The following HIP1 variants were observed in gnomAD, a reference collection of about 807,000 sequenced individuals.
HIP1 encodes huntingtin-interacting protein 1.
Under a neutral mutation model 147.6 loss-of-function variants are expected in HIP1, and 65 were observed. The ratio of observed to expected loss-of-function variants is 0.44; its 90% confidence interval spans 0.36 to 0.54. HIP1 has a LOEUF of 0.54. HIP1 is among the 20% of genes least tolerant of loss of function. The pLI, the probability that HIP1 is intolerant of heterozygous loss-of-function variation, is 0.00. For synonymous variants in HIP1, 479 were observed against 504.0 expected, an observed-to-expected ratio of 0.95 and a Z score of 0.67; for missense variants, 1,061 against 1,299.6, an observed-to-expected ratio of 0.82 and a Z score of 2.82.
chr7:75,722,879 A>C (rs1269828857), intron 1 of HIP1, among the ~76,000 whole-genome samples: 1 of 152,200 alleles, frequency 6.6e-6, no homozygotes, highest in Non-Finnish European at 1.5e-5. Flanking sequence ...TTCCAGGATA[A>C]GACTTTTGTG....
chr7:75,639,065 C>T, intron 1 of HIP1: 2 of 984,668 alleles, frequency 2.0e-6, no homozygotes, highest in South Asian at 4.7e-5. Context: ...TTGCTCACAT[C>T]CATGACCGAG....
chr7:75,637,988 CCCCCCACACACACACATA>C (rs1300453013), intron 1 of HIP1, among the ~76,000 whole-genome samples: 7 of 48,212 alleles, frequency 1.5e-4, no homozygotes, highest in African/African-American at 6.3e-4. Flanking sequence ...CCCCCCCCCC[CCCCCCACACACACACATA>C]CACACACACA....
Position 75,538,218 on chromosome 7 carries a change from T to C in HIP1, c.3068A>G (p.Glu1023Gly). The C allele has an allele frequency of 1.2e-6, 2 of 1,612,950 alleles. No homozygotes were observed. The highest frequency in any genetic ancestry group is 2.2e-5 in the East Asian group (1 of 44,884). The change falls in exon 31 of 31, where the codon GAG (glutamate) becomes GGG (glycine). Residue 1023 changes from glutamate to glycine, a missense_variant. Physicochemically the swap from Glu to Gly is moderately conservative, Grantham distance 98. Around this residue, in one of 3 missense-constraint regions of HIP1, gnomAD observed 810 missense variants for 946.8 expected, o/e 0.86. Coordinates refer to ENST00000336926, the MANE Select transcript of HIP1 (RefSeq NM_005338.7). ...GVAEGWEEGTEASPPTLQEVV... is the reference protein window; with the variant it reads ...GVAEGWEEGTGASPPTLQEVV... Reference sequence around the variant, plus strand: ...TTCTTGCAGTGTAGGTGGAGATGCCTCTGTTCCTAAAAGACAATGATAATT... The same window carrying C: ...TTCTTGCAGTGTAGGTGGAGATGCCCCTGTTCCTAAAAGACAATGATAATT...
At chr7:75,664,627 C>T (rs1237880136) in intron 1 of HIP1, among the ~76,000 whole-genome samples, 1 of 150,132 alleles carries the variant, frequency 6.7e-6, no homozygotes, top group South Asian at 2.1e-4. Flanking sequence ...GACAGGCAGA[C>T]GGACAGACAA....
chr7:75,645,607 A>G (rs1240042440), intron 1 of HIP1, among the ~76,000 whole-genome samples: 7 of 152,200 alleles, frequency 4.6e-5, no homozygotes, highest in Admixed American at 3.9e-4. Flanking sequence ...CCAAAGGAAA[A>G]TAGATCATTC....
intron 5 of HIP1, among the ~76,000 whole-genome samples, chr7:75,582,431 G>C (rs782762511): frequency 6.6e-6 from 1 of 152,326 alleles, no homozygotes; most frequent in African/African-American, 2.4e-5. Flanking sequence ...CCTGTCATCT[G>C]TGTGGTTTGT....
intron 1 of HIP1, among the ~76,000 whole-genome samples, chr7:75,685,933 T>C (rs560934986): frequency 6.6e-5 from 10 of 152,216 alleles, no homozygotes; most frequent in African/African-American, 2.4e-4. Flanking sequence ...GGAGTCTCTG[T>C]CGCCTAGGCT....
At chr7:75,669,145 C>CA (rs1799656122) in intron 1 of HIP1, among the ~76,000 whole-genome samples, 1 of 151,902 alleles carries the variant, frequency 6.6e-6, no homozygotes, top group Non-Finnish European at 1.5e-5. Context: ...GCGGGTGGAT[C>CA]ACGAGGTCAG....
Position 75,536,990 on chromosome 7 carries a change from C to T in HIP1, c.*1182G>A, listed in dbSNP as rs782534282. 5.2e-5 allele frequency: 12 copies of T among 231,950 alleles called. No homozygotes were observed. The highest frequency in any genetic ancestry group is 5.6e-5 in the Admixed American group (1 of 17,732). The allele number at this position is 231,950 out of a possible 1,614,324, so 14.4% of individuals were successfully genotyped here. A position where few individuals can be genotyped will look rare whatever the true frequency, so the allele number is the denominator to read the frequency against. ...TTTGTCAATTGCGTAGAAGGTGGAA[C>T]GATCTTCCTATTCAAGAGGATGCCA... On this transcript the variant is annotated 3_prime_UTR_variant, in exon 31 of 31. Coordinates refer to ENST00000336926, the MANE Select transcript of HIP1 (RefSeq NM_005338.7).
chr7:75,574,960 C>G (rs1554497422), intron 7 of HIP1, among the ~76,000 whole-genome samples: 2 of 149,028 alleles, frequency 1.3e-5, no homozygotes, highest in African/African-American at 5.0e-5. Flanking sequence ...GAGTTTGAGA[C>G]CAGCCTGAGC....
In HIP1 at chr7:75,670,786, C is replaced by CTTTTTTTTTTTT. The variant is rs782710876; in HGVS notation, c.120+68003_120+68014dup. On this transcript the variant is annotated intron_variant, in intron 1 of 30. Coordinates refer to ENST00000336926, the MANE Select transcript of HIP1 (RefSeq NM_005338.7). The stretch of plus-strand genomic sequence containing the variant: ...GCTCACTGTACTCAGCTAATTAAAA[C>CTTTTTTTTTTTT]TTTTTTTTTTTTTTTGGTAGAGATA... 3.3e-3 allele frequency among the ~76,000 whole-genome samples: 405 copies of CTTTTTTTTTTTT among 122,788 alleles called. 3 individuals are homozygous for CTTTTTTTTTTTT. Among genetic ancestry groups the CTTTTTTTTTTTT allele is most frequent in the Middle Eastern group, 5.1e-3 (1 of 198 alleles). 80.6% of individuals were successfully genotyped at this position (122,788 alleles called of 152,430 possible).
chr7:75,714,325 C>T (rs1297471713), intron 1 of HIP1, among the ~76,000 whole-genome samples: 2 of 152,128 alleles, frequency 1.3e-5, no homozygotes, highest in African/African-American at 2.4e-5. Context: ...AGGCGTGAGC[C>T]GCCGCGCCTG....
At chr7:75,693,062 G>A (rs1296664370) in intron 1 of HIP1, among the ~76,000 whole-genome samples, 1 of 151,866 alleles carries the variant, frequency 6.6e-6, no homozygotes, top group East Asian at 1.9e-4. Context: ...CTACTCAGGA[G>A]GCTGAGGCAC....
intron 1 of HIP1, among the ~76,000 whole-genome samples, chr7:75,608,613 T>C (rs1797315216): frequency 6.6e-6 from 1 of 152,174 alleles, no homozygotes; most frequent in Non-Finnish European, 1.5e-5. Context: ...CGTGACCATC[T>C]GGAAGCAGGA....
chr7:75,542,988 G>A lies in HIP1; in HGVS notation c.2767-14C>T. On this transcript the variant is annotated splice_polypyrimidine_tract_variant and intron_variant, in intron 27 of 30. Coordinates refer to ENST00000336926, the MANE Select transcript of HIP1 (RefSeq NM_005338.7). ...ATCAGCTTTCACCTACCAGGACAAA[G>A]CAGATTTAGGTTCATACAACACCTA... The A allele has an allele frequency of 6.2e-7, 1 of 1,609,602 alleles. No homozygotes were observed. Among genetic ancestry groups the A allele is most frequent in the South Asian group, 1.1e-5 (1 of 90,236 alleles).
rs1554493815 is a variant in HIP1 at position 75,558,168 on chromosome 7, T to C, written c.1463A>G (p.Lys488Arg). Residue 488 changes from lysine to arginine, a missense_variant and splice_region_variant, in exon 15 of 31, where the codon AAG becomes AGG. Coordinates refer to ENST00000336926, the MANE Select transcript of HIP1 (RefSeq NM_005338.7). Reference sequence around the variant, plus strand: ...GGTGACAGGGGCTGAGGGTCTTACCTTCCGCAGCAGGTCAGCGTGGTTCTG... The same window carrying C: ...GGTGACAGGGGCTGAGGGTCTTACCCTCCGCAGCAGGTCAGCGTGGTTCTG... ...LVQNHADLLR[K>R]NAEVTKQVSM... The C allele has an allele frequency of 6.2e-7, 1 of 1,612,600 alleles. No homozygotes were observed. Among genetic ancestry groups the C allele is most frequent in the Admixed American group, 1.7e-5 (1 of 60,028 alleles).
At chr7:75,699,319 AG>A (rs1169062944) in intron 1 of HIP1, among the ~76,000 whole-genome samples, 1 of 152,174 alleles carries the variant, frequency 6.6e-6, no homozygotes, top group East Asian at 1.9e-4. Context: ...CTGATATACT[AG>A]AAAATATACT....
At chr7:75,577,242 G>A (rs1795874751) in intron 7 of HIP1, among the ~76,000 whole-genome samples, 1 of 149,170 alleles carries the variant, frequency 6.7e-6, no homozygotes, top group Non-Finnish European at 1.5e-5. Flanking sequence ...GAGGTGGGAG[G>A]ATCCCTTGAG....
chr7:75,711,613 A>G (rs1801168169), intron 1 of HIP1, among the ~76,000 whole-genome samples: 1 of 152,184 alleles, frequency 6.6e-6, no homozygotes, highest in Admixed American at 6.6e-5. Context: ...AAAGTTTTTT[A>G]CTTTTTTGGA....
Sources: allele counts gnomAD v4.1 joint callset (sites outside exome capture counted in the v4.1 genomes callset), GRCh38; gene constraint gnomAD v4.1.1; regional missense constraint gnomAD v4.1.1; transcripts MANE v1.5; gene names NCBI Gene and HGNC (gene_info 2026-07-23, HGNC 2026-07-21).